RBFOX1: variants seen among roughly 807,000 people sequenced by gnomAD.
The protein encoded by RBFOX1 is RNA binding protein fox-1 homolog 1.
In RBFOX1, 8 loss-of-function variants were observed where a neutral mutation model predicts 57.7. The ratio of observed to expected loss-of-function variants is 0.14; its 90% CI spans 0.08 to 0.25. The LOEUF (loss-of-function observed/expected upper bound fraction) is 0.25, where lower values mean the gene tolerates loss of function less well. Among genes scored for constraint, RBFOX1 ranks in the 10% least tolerant of loss-of-function variants. The pLI, the probability that RBFOX1 is intolerant of heterozygous loss-of-function variation, is 1.00. For missense variants in RBFOX1, 611 were observed against 548.5 expected, an observed-to-expected ratio of 1.11 and a Z score of -1.14; for synonymous variants, 326 against 222.4, an observed-to-expected ratio of 1.47 and a Z score of -4.15.
At chr16:6,280,341 C>G (rs1319732182) in intron 1 of RBFOX1, among the ~76,000 whole-genome samples, 1 of 152,172 alleles carries the variant, frequency 6.6e-6, no homozygotes, top group Admixed American at 6.5e-5. Flanking sequence ...CTTTGTTTTC[C>G]TCTCTCTTCC....
intron 3 of RBFOX1, among the ~76,000 whole-genome samples, chr16:6,852,311 G>C (rs746853775): frequency 1.1e-4 from 17 of 152,102 alleles, no homozygotes; most frequent in Non-Finnish European, 2.5e-4. Context: ...TTTCTTTTAA[G>C]GATGCTTGAG....
intron 4 of RBFOX1, among the ~76,000 whole-genome samples, chr16:7,355,518 G>T (rs1025544389): frequency 6.6e-6 from 1 of 151,984 alleles, no homozygotes; most frequent in South Asian, 2.1e-4. Context: ...TGTGTACAAG[G>T]ACACCATGCA....
chr16:5,451,352 C>T (rs999657060), intron 1 of RBFOX1, among the ~76,000 whole-genome samples: 3 of 152,192 alleles, frequency 2.0e-5, no homozygotes, highest in Non-Finnish European at 4.4e-5. Flanking sequence ...ATAATCTCCA[C>T]TGTGGCGAAA....
intron 3 of RBFOX1, among the ~76,000 whole-genome samples, chr16:6,706,029 A>G (rs562438631): frequency 6.6e-6 from 1 of 152,104 alleles, no homozygotes; most frequent in Non-Finnish European, 1.5e-5. Context: ...AAATATATAC[A>G]TATATAGATA....
chr16:6,450,295 TAAAG>T, intron 2 of RBFOX1, among the ~76,000 whole-genome samples: 1 of 152,242 alleles, frequency 6.6e-6, no homozygotes, highest in South Asian at 2.1e-4. Context: ...AAGCTCCCGA[TAAAG>T]AGAGTGGGTT....
chr16:6,219,341 C>T (rs7188609), intron 1 of RBFOX1, among the ~76,000 whole-genome samples: 141,600 of 152,206 alleles, frequency 0.93, 66,686 homozygotes, highest in East Asian at 1. Flanking sequence ...AGTTATCCTG[C>T]GGTCACCAGG....
At chr16:6,051,673 C>A (rs576090095) in intron 1 of RBFOX1, among the ~76,000 whole-genome samples, 1 of 152,172 alleles carries the variant, frequency 6.6e-6, no homozygotes, top group African/African-American at 2.4e-5. Context: ...AAGCAATGTT[C>A]CTGCCTCAGC....
At chr16:6,068,930 G>A (rs1430141768) in intron 1 of RBFOX1, among the ~76,000 whole-genome samples, 1 of 152,054 alleles carries the variant, frequency 6.6e-6, no homozygotes, top group Non-Finnish European at 1.5e-5. Context: ...AGTTTGGCCC[G>A]GGAACAGGAG....
chr16:6,577,924 A>G (rs2097466695), intron 2 of RBFOX1, among the ~76,000 whole-genome samples: 1 of 152,232 alleles, frequency 6.6e-6, no homozygotes, highest in South Asian at 2.1e-4. Flanking sequence ...CATACAAATG[A>G]GAAGGCTGGG....
intron 4 of RBFOX1, among the ~76,000 whole-genome samples, chr16:7,280,103 C>A (rs1042336347): frequency 6.6e-6 from 1 of 152,248 alleles, no homozygotes; most frequent in African/African-American, 2.4e-5. Context: ...GAGCCAGCTT[C>A]TGAATCCTGG....
intron 4 of RBFOX1, among the ~76,000 whole-genome samples, chr16:5,932,109 A>G (rs532387985): frequency 1.3e-5 from 2 of 152,250 alleles, no homozygotes; most frequent in African/African-American, 4.8e-5. Flanking sequence ...CTGGCCTTGT[A>G]TGGCATAGTT....
rs115743740 is a variant in RBFOX1 at position 7,356,394 on chromosome 16, C to T, written c.28-161753C>T. ...CAGGTAAGGCCTCTCTGAGCATGCACACTAAAGAAAAGAACTGAAAGCAAG... is the reference window on the plus strand; with the variant it reads ...CAGGTAAGGCCTCTCTGAGCATGCATACTAAAGAAAAGAACTGAAAGCAAG... On this transcript the variant is annotated intron_variant, in intron 4 of 15. Coordinates refer to ENST00000550418, the MANE Select transcript of RBFOX1 (RefSeq NM_018723.4). 5.8e-3 allele frequency among the ~76,000 whole-genome samples: 876 copies of T among 152,200 alleles called. 10 individuals carry two copies. The highest frequency in any genetic ancestry group is 0.02 in the African/African-American group (816 of 41,518).
intron 14 of RBFOX1, among the ~76,000 whole-genome samples, chr16:7,708,256 A>T (rs2083145107): frequency 6.6e-6 from 1 of 151,446 alleles, no homozygotes; most frequent in Non-Finnish European, 1.5e-5. Flanking sequence ...TAAAAAAAAA[A>T]GTTAACTTCC....
chr16:7,104,057 T>C (rs2063152167), intron 4 of RBFOX1, among the ~76,000 whole-genome samples: 1 of 152,204 alleles, frequency 6.6e-6, no homozygotes, highest in African/African-American at 2.4e-5. Context: ...CTAAAATAGT[T>C]CGTTACTAAA....
chr16:6,110,541 G>A (rs1334528069), intron 1 of RBFOX1, among the ~76,000 whole-genome samples: 3 of 152,004 alleles, frequency 2.0e-5, no homozygotes, highest in Non-Finnish European at 4.4e-5. Flanking sequence ...ACTACCCGCT[G>A]GGCTGTTTCA....
At chr16:5,578,089 C>G (rs538795590) in intron 2 of RBFOX1, among the ~76,000 whole-genome samples, 19 of 152,272 alleles carry the variant, frequency 1.2e-4, no homozygotes, top group African/African-American at 4.3e-4. Flanking sequence ...GTAGCTGGGA[C>G]TACAGGTGCG....
intron 4 of RBFOX1, among the ~76,000 whole-genome samples, chr16:7,447,226 G>A (rs937228493): frequency 1.3e-5 from 2 of 151,866 alleles, no homozygotes; most frequent in Non-Finnish European, 2.9e-5. Context: ...GAGGTCAGGA[G>A]TTCGAGACCA....
chr16:7,384,228 T>A (rs1440051581), intron 4 of RBFOX1, among the ~76,000 whole-genome samples: 1 of 151,782 alleles, frequency 6.6e-6, no homozygotes, highest in Non-Finnish European at 1.5e-5. Flanking sequence ...AATATATATA[T>A]GAATATGAAA....
rs532901057 is a variant in RBFOX1 at position 5,780,785 on chromosome 16, G to C, written c.319-86518G>C. On this transcript the variant is annotated intron_variant, in intron 3 of 19. Coordinates refer to the RBFOX1 transcript ENST00000641259. The stretch of plus-strand genomic sequence containing the variant: ...TCCCGAGAGAAGCATGGGACGCCTG[G>C]TTTAAGTTCAAGTTACTCACTTAAC... 1.1e-3 allele frequency among the ~76,000 whole-genome samples: 161 copies of C among 152,284 alleles called. 1 individual carries two copies. The highest frequency in any genetic ancestry group is 3.8e-3 in the African/African-American group (157 of 41,564).
Sources: allele counts gnomAD v4.1 joint callset (sites outside exome capture counted in the v4.1 genomes callset), GRCh38; gene constraint gnomAD v4.1.1; transcripts MANE v1.5; gene names NCBI Gene and HGNC (gene_info 2026-07-23, HGNC 2026-07-21).